RGS7: variants seen among roughly 807,000 people sequenced by gnomAD.
The protein encoded by RGS7 is regulator of G-protein signaling 7.
A neutral mutation model predicts 81.1 loss-of-function variants in RGS7; 27 were observed. The ratio of observed to expected loss-of-function variants is 0.33; its 90% CI spans 0.25 to 0.46. The LOEUF is 0.46. RGS7 is among the 20% of genes least tolerant of loss of function. RGS7 has a pLI of 1.00. For synonymous variants in RGS7, 208 were observed against 207.7 expected (o/e 1.00, Z -0.01); for missense variants, 396 against 607.4 (o/e 0.65, Z 3.66).
intron 2 of RGS7, among the ~76,000 whole-genome samples, chr1:241,316,595 C>G (rs1243446097): frequency 6.6e-6 from 1 of 152,190 alleles, no homozygotes. Flanking sequence ...ATTCTTGCAT[C>G]CCAACGACAA....
chr1:240,962,360 A>G (rs1681603624), intron 4 of RGS7, among the ~76,000 whole-genome samples: 1 of 152,140 alleles, frequency 6.6e-6, no homozygotes, highest in African/African-American at 2.4e-5. Flanking sequence ...CTCTATGGTT[A>G]AAAGTCTCTT....
At chr1:241,114,104 C>T (rs1259993706) in intron 2 of RGS7, among the ~76,000 whole-genome samples, 1 of 152,064 alleles carries the variant, frequency 6.6e-6, no homozygotes, top group Non-Finnish European at 1.5e-5. Context: ...GAATTCTGAC[C>T]CACAGCCCCT....
chr1:241,185,494 A>C (rs978014826), intron 2 of RGS7, among the ~76,000 whole-genome samples: 1 of 152,212 alleles, frequency 6.6e-6, no homozygotes, highest in Admixed American at 6.5e-5. Flanking sequence ...AATCAAGTGG[A>C]TCTAATGTCT....
chr1:241,276,459 T>A (rs2078199619), intron 2 of RGS7, among the ~76,000 whole-genome samples: 1 of 152,072 alleles, frequency 6.6e-6, no homozygotes, highest in Non-Finnish European at 1.5e-5. Context: ...TAAAGAAGAG[T>A]AGGAAATGGC....
chr1:241,096,765 G>T (rs1281845647), intron 3 of RGS7, among the ~76,000 whole-genome samples: 3 of 152,124 alleles, frequency 2.0e-5, no homozygotes, highest in Non-Finnish European at 4.4e-5. Flanking sequence ...ACTAGAGTGG[G>T]TATCACAAAA....
chr1:241,199,840 A>G (rs1228679504), intron 2 of RGS7, among the ~76,000 whole-genome samples: 1 of 152,102 alleles, frequency 6.6e-6, no homozygotes, highest in Non-Finnish European at 1.5e-5. Context: ...AATCAGAAAA[A>G]CTACTGCTAT....
intron 2 of RGS7, among the ~76,000 whole-genome samples, chr1:241,348,986 TGAA>T (rs2083074484): frequency 1.6e-5 from 2 of 127,466 alleles, no homozygotes; most frequent in South Asian, 2.9e-4. Flanking sequence ...TAATTTTTGT[TGAA>T]GAATAGTAAT....
At position 241,064,081 on chromosome 1, in the gene RGS7, G is replaced by A. The variant is rs376974871; in HGVS notation, c.175+34585C>T. On this transcript the variant is annotated intron_variant, in intron 3 of 18. Transcript: ENST00000440928. ...GCCTGTAATCCCAGCTACGAGGGAG[G>A]CTGAGGCAGGAGAATCGCTTGAACC... Among the ~76,000 whole-genome samples, 4 of 151,808 alleles carry A rather than the reference G, an allele frequency of 2.6e-5. No homozygotes were observed. In the East Asian group the frequency reaches 7.8e-4, roughly 30 times the overall value.
intron 3 of RGS7, among the ~76,000 whole-genome samples, chr1:240,990,290 A>T (rs903039480): frequency 7.9e-5 from 12 of 151,674 alleles, no homozygotes; most frequent in South Asian, 4.2e-4. Context: ...GTTTCATCAT[A>T]AAAAAAAATG....
chr1:241,239,275 C>A (rs749725009), intron 2 of RGS7, among the ~76,000 whole-genome samples: 15 of 152,054 alleles, frequency 9.9e-5, no homozygotes, highest in Non-Finnish European at 1.8e-4. Context: ...CCATCCCTCT[C>A]TCTAACTCTT....
In RGS7 at chr1:241,036,640, G is replaced by A. The variant is rs184615295; in HGVS notation, c.176-53511C>T. ...TTCTAATAATCTTGTTAAATTACAT[G>A]ATAAGTAATCCATTGCTTCACCTTA... On this transcript the variant is annotated intron_variant, in intron 3 of 18. Transcript: ENST00000440928. Among the ~76,000 whole-genome samples, 8 of 152,306 alleles carry A rather than the reference G, an allele frequency of 5.3e-5. No individual in the cohort carries two copies. The East Asian group carries it at 1.5e-3, about 29-fold the overall frequency.
intron 4 of RGS7, among the ~76,000 whole-genome samples, chr1:240,937,631 G>T (rs578124917): frequency 1.1e-4 from 17 of 152,300 alleles, no homozygotes; most frequent in East Asian, 5.8e-4. Flanking sequence ...ACAGGCAGTT[G>T]CATTTGGCAT....
At chr1:240,813,287 C>T (rs1195740340) in intron 13 of RGS7, among the ~76,000 whole-genome samples, 3 of 152,202 alleles carry the variant, frequency 2.0e-5, no homozygotes, top group Non-Finnish European at 4.4e-5. Context: ...TACTTGACTA[C>T]ATGAGACTTT....
At chr1:241,335,074 C>CA (rs954606901) in intron 2 of RGS7, among the ~76,000 whole-genome samples, 2 of 152,058 alleles carry the variant, frequency 1.3e-5, no homozygotes, top group Admixed American at 1.3e-4. Context: ...AACAGCACAG[C>CA]AAAAAACTGC....
intron 6 of RGS7, among the ~76,000 whole-genome samples, chr1:240,880,166 T>A: frequency 6.6e-6 from 1 of 152,174 alleles, no homozygotes; most frequent in East Asian, 1.9e-4. Context: ...CTCAGCCTCC[T>A]GAATAGCTGA....
intron 2 of RGS7, among the ~76,000 whole-genome samples, chr1:241,243,538 T>C (rs1164521768): frequency 1.3e-5 from 2 of 152,106 alleles, no homozygotes; most frequent in Non-Finnish European, 2.9e-5. Flanking sequence ...AGACAAAAAT[T>C]AATGCTTGCA....
At chr1:241,124,427 C>T (rs866164460) in intron 2 of RGS7, among the ~76,000 whole-genome samples, 3 of 152,076 alleles carry the variant, frequency 2.0e-5, no homozygotes, top group Non-Finnish European at 2.9e-5. Context: ...AAAACAAGAA[C>T]CAGAAAATGC....
chr1:240,921,069 C>T (rs1673448652), intron 6 of RGS7, among the ~76,000 whole-genome samples: 1 of 151,986 alleles, frequency 6.6e-6, no homozygotes, highest in African/African-American at 2.4e-5. Flanking sequence ...AATTTATACA[C>T]AACCTGCTTG....
intron 2 of RGS7, among the ~76,000 whole-genome samples, chr1:241,264,961 G>T (rs10802941): frequency 0.75 from 113,383 of 152,180 alleles, 42,347 homozygotes; most frequent in Admixed American, 0.83. Flanking sequence ...ATAGATCCTG[G>T]AGCCAAACAA....
Sources: gnomAD v4.1 joint callset for allele counts (sites outside exome capture counted in the v4.1 genomes callset) on GRCh38, gnomAD v4.1.1 for gene constraint, MANE v1.5 for transcripts, NCBI Gene and HGNC (gene_info 2026-07-23, HGNC 2026-07-21) for gene names.